The following SATL1 variants were observed in gnomAD, a reference collection of about 807,000 sequenced individuals.
SATL1 encodes spermidine/spermine N(1)-acetyltransferase-like protein 1.
A neutral mutation model predicts 51.8 loss-of-function variants in SATL1; 47 were observed. That is an observed-to-expected ratio of 0.91 (90% CI 0.72 to 1.16). The LOEUF is 1.16. SATL1 is among the 50% of genes most tolerant of loss of function. The probability of loss-of-function intolerance (pLI) is 0.00; values close to 1 mark genes in which losing one functional copy is unlikely to be tolerated. For missense variants in SATL1, 520 were observed against 526.4 expected, an observed-to-expected ratio of 0.99 and a Z score of 0.12; for synonymous variants, 176 against 182.4, an observed-to-expected ratio of 0.97 and a Z score of 0.28.
chrX:85,181,601 T>A (rs1051266952), intron 2 of SATL1, among the ~76,000 whole-genome samples: 4 of 110,766 alleles, frequency 3.6e-5, no homozygotes, highest in Non-Finnish European at 7.6e-5. Flanking sequence ...AAAACCTGAA[T>A]GCAATCTGCA....
rs1004408979 is a variant in SATL1, at chrX:85,185,821, C to T, written c.-313+38384G>A. 5.7e-4 allele frequency among the ~76,000 whole-genome samples: 63 copies of T among 110,531 alleles called. No homozygotes were observed. In the Admixed American group the frequency reaches 5.9e-3, roughly 10 times the overall value. On this transcript the variant is annotated intron_variant, in intron 2 of 7. Coordinates refer to ENST00000644105, the MANE Select transcript of SATL1 (RefSeq NM_001367857.2). ...AGGAGCCCACTTGGTGCTCTACCCC[C>T]CTGTGGCCAAAGTGGTACCTAAGTT...
chrX:85,105,982 A>G (rs1925030173), intron 3 of SATL1, among the ~76,000 whole-genome samples: 1 of 112,141 alleles, frequency 8.9e-6, no homozygotes, highest in African/African-American at 3.2e-5. Flanking sequence ...AGATAGTTTC[A>G]TTGAAATGGG....
At chrX:85,233,857 G>C (rs1290480011) in intron 1 of SATL1, among the ~76,000 whole-genome samples, 2 of 111,660 alleles carry the variant, frequency 1.8e-5, no homozygotes, top group South Asian at 3.8e-4. Context: ...CAGAAAGATA[G>C]AGATCAGGAT....
intron 1 of SATL1, among the ~76,000 whole-genome samples, chrX:85,224,603 T>G (rs751007093): frequency 9.1e-6 from 1 of 110,327 alleles, no homozygotes; most frequent in East Asian, 2.9e-4. Context: ...GTTCCTTTTT[T>G]ACAGACTCCA....
At chrX:85,204,091 G>C in intron 2 of SATL1, among the ~76,000 whole-genome samples, 1 of 111,865 alleles carries the variant, frequency 8.9e-6, no homozygotes, top group East Asian at 2.8e-4. Flanking sequence ...GGCTCTGGTG[G>C]AGTGGGTTTG....
At chrX:85,152,246 G>A (rs1317051726) in intron 2 of SATL1, among the ~76,000 whole-genome samples, 4 of 111,871 alleles carry the variant, frequency 3.6e-5, no homozygotes, top group Non-Finnish European at 5.7e-5. Flanking sequence ...TCAGAGAAAT[G>A]CAAATCAAAA....
chrX:85,190,031 T>C (rs1927401993), intron 2 of SATL1, among the ~76,000 whole-genome samples: 1 of 112,160 alleles, frequency 8.9e-6, no homozygotes. Context: ...TTATTGCAGT[T>C]TGATATTTAA....
At position 85,093,324 on chromosome X, in the gene SATL1, T is replaced by C. The variant is rs1024415542; in HGVS notation, c.1877-99A>G. The C allele has an allele frequency of 7.3e-6, 6 of 819,624 alleles. No individual in the cohort carries two copies. In the African/African-American group the frequency reaches 1.2e-4, roughly 17 times the overall value. 67.5% of individuals were successfully genotyped at this position (819,624 alleles called of 1,213,427 possible). ...TAATATCTAAAACTCTGTATCTGTTTTTTGTATATTATTAATAGCTTCTGG... is the reference window on the plus strand; with the variant it reads ...TAATATCTAAAACTCTGTATCTGTTCTTTGTATATTATTAATAGCTTCTGG... On this transcript the variant is annotated intron_variant, in intron 6 of 7. Coordinates refer to ENST00000644105, the MANE Select transcript of SATL1 (RefSeq NM_001367857.2).
intron 2 of SATL1, among the ~76,000 whole-genome samples, chrX:85,166,031 A>G (rs1003039965): frequency 5.4e-5 from 6 of 111,665 alleles, no homozygotes; most frequent in Admixed American, 9.6e-5. Context: ...TGGGGAAAGG[A>G]CACCCTATGT....
chrX:85,218,521 C>T (rs758165135), intron 2 of SATL1, among the ~76,000 whole-genome samples: 2 of 111,202 alleles, frequency 1.8e-5, no homozygotes, highest in South Asian at 3.7e-4. Context: ...TATGCCGAGA[C>T]GAAACTCTGC....
At chrX:85,135,674 C>A (rs896098867) in intron 2 of SATL1, among the ~76,000 whole-genome samples, 1 of 104,605 alleles carries the variant, frequency 9.6e-6, no homozygotes, top group Non-Finnish European at 2.0e-5. Flanking sequence ...CAGACTCAAG[C>A]GATCCTCCCC....
intron 2 of SATL1, among the ~76,000 whole-genome samples, chrX:85,124,004 C>T (rs1000404698): frequency 9.0e-6 from 1 of 111,314 alleles, no homozygotes; most frequent in Non-Finnish European, 1.9e-5. Context: ...GTATATATTA[C>T]ATTAAATTTT....
intron 2 of SATL1, among the ~76,000 whole-genome samples, chrX:85,136,962 G>T (rs1385877392): frequency 8.9e-6 from 1 of 111,736 alleles, no homozygotes; most frequent in East Asian, 2.8e-4. Flanking sequence ...CTGTCGCTCT[G>T]TCACTGAAAA....
At chrX:85,130,479 G>A (rs1925758107) in intron 2 of SATL1, among the ~76,000 whole-genome samples, 1 of 111,370 alleles carries the variant, frequency 9.0e-6, no homozygotes. Flanking sequence ...ATTTCTGTGG[G>A]ATCGGTGGTG....
At chrX:85,148,728 G>A (rs1926332381) in intron 2 of SATL1, among the ~76,000 whole-genome samples, 1 of 111,282 alleles carries the variant, frequency 9.0e-6, no homozygotes, top group Non-Finnish European at 1.9e-5. Flanking sequence ...CTTCATAAGT[G>A]AAGGAGAAAT....
intron 2 of SATL1, among the ~76,000 whole-genome samples, chrX:85,201,162 ATG>A (rs986255666): frequency 4.5e-5 from 5 of 111,579 alleles, no homozygotes; most frequent in Non-Finnish European, 1.9e-5. Flanking sequence ...GCTTTTGTGC[ATG>A]TGTGTGTGCA....
intron 2 of SATL1, among the ~76,000 whole-genome samples, chrX:85,188,639 T>C (rs150505752): frequency 9.6e-4 from 106 of 110,728 alleles, no homozygotes; most frequent in African/African-American, 3.4e-3. Context: ...GAGCAAGACT[T>C]CATCTCTCTA....
intron 2 of SATL1, among the ~76,000 whole-genome samples, chrX:85,128,821 G>T (rs1948873049): frequency 8.9e-6 from 1 of 111,870 alleles, no homozygotes; most frequent in South Asian, 3.7e-4. Context: ...ATTAATTTTT[G>T]TATAAGGTGT....
intron 1 of SATL1, among the ~76,000 whole-genome samples, chrX:85,238,122 T>C (rs773954762): frequency 1.3e-3 from 143 of 111,534 alleles, no homozygotes; most frequent in African/African-American, 4.4e-3. Context: ...GAATGTAAAT[T>C]AGTACAACCA....
Sources: gnomAD v4.1 joint callset for allele counts (sites outside exome capture counted in the v4.1 genomes callset) on GRCh38, gnomAD v4.1.1 for gene constraint, MANE v1.5 for transcripts, NCBI Gene and HGNC (gene_info 2026-07-23, HGNC 2026-07-21) for gene names.